Variants in DEPTOR observed in about 807,000 individuals in gnomAD.
The protein encoded by DEPTOR is DEP domain containing MTOR interacting protein, also known as DEP domain-containing mTOR-interacting protein.
DEPTOR carries 41 observed loss-of-function variants against 41.6 expected under a neutral mutation model. The ratio of observed to expected loss-of-function variants is 0.98; its 90% CI spans 0.77 to 1.28. The LOEUF (loss-of-function observed/expected upper bound fraction) is 1.28, where lower values mean the gene tolerates loss of function less well. Among genes scored for constraint, DEPTOR ranks in the 50% most tolerant of loss-of-function variants. The pLI is 0.00. For synonymous variants in DEPTOR, 195 were observed against 192.3 expected (o/e 1.01, Z -0.12); for missense variants, 514 against 527.9 (o/e 0.97, Z 0.26).
At chr8:120,016,263 A>G (rs376511126) in intron 8 of DEPTOR, among the ~76,000 whole-genome samples, 11 of 151,318 alleles carry the variant, frequency 7.3e-5, no homozygotes, top group African/African-American at 2.7e-4. Flanking sequence ...TAATACCATC[A>G]CACTGGGGGT....
chr8:119,919,656 A>G (rs957801499), intron 1 of DEPTOR, among the ~76,000 whole-genome samples: 1 of 152,152 alleles, frequency 6.6e-6, no homozygotes, highest in East Asian at 1.9e-4. Flanking sequence ...GTTGCAGAAC[A>G]TCTGGAAAGG....
intron 1 of DEPTOR, among the ~76,000 whole-genome samples, chr8:119,921,286 A>G (rs1450545342): frequency 6.6e-6 from 1 of 152,212 alleles, no homozygotes; most frequent in Non-Finnish European, 1.5e-5. Flanking sequence ...TGAAAATAAC[A>G]TCATTTCTAT....
chr8:119,937,297 G>A lies in DEPTOR; in HGVS notation c.425+7359G>A, dbSNP rs1046792739. 2.2e-4 allele frequency among the ~76,000 whole-genome samples: 33 copies of A among 152,120 alleles called. 1 individual carries two copies. Among genetic ancestry groups the A allele is most frequent in the African/African-American group, 7.0e-4 (29 of 41,524 alleles). On this transcript the variant is annotated intron_variant, in intron 3 of 8. Coordinates refer to ENST00000286234, the MANE Select transcript of DEPTOR (RefSeq NM_022783.4). ...TGCCTGTAGTCCCAGCTACTTGGGA[G>A]GCTGAGGCAGGAGAATCGCTTGAAC...
At chr8:119,986,779 A>G (rs1167013745) in intron 4 of DEPTOR, among the ~76,000 whole-genome samples, 3 of 151,128 alleles carry the variant, frequency 2.0e-5, no homozygotes, top group Non-Finnish European at 4.4e-5. Context: ...CATTAAGTTG[A>G]TCTTCAATCT....
intron 4 of DEPTOR, among the ~76,000 whole-genome samples, chr8:119,970,033 T>A (rs1828613042): frequency 6.6e-6 from 1 of 152,336 alleles, no homozygotes; most frequent in African/African-American, 2.4e-5. Flanking sequence ...GCTTCATCTA[T>A]GAATGGTGAC....
intron 4 of DEPTOR, among the ~76,000 whole-genome samples, chr8:119,988,588 T>C (rs980263003): frequency 3.9e-5 from 6 of 152,188 alleles, no homozygotes; most frequent in African/African-American, 1.4e-4. Context: ...GTTCAAGTGA[T>C]TCTCCTGCCT....
At chr8:120,018,588 A>T (rs1446640927) in intron 8 of DEPTOR, among the ~76,000 whole-genome samples, 1 of 152,194 alleles carries the variant, frequency 6.6e-6, no homozygotes, top group Non-Finnish European at 1.5e-5. Context: ...AAAGAAAAAA[A>T]AAATGTAGTT....
rs529781331 is a variant in DEPTOR, at chr8:119,903,257, C to T, written c.123-25143C>T. Among the ~76,000 whole-genome samples, 9 of 152,266 alleles carry T rather than the reference C, an allele frequency of 5.9e-5. No homozygotes were observed. The South Asian group carries it at 1.9e-3, about 32-fold the overall frequency. On this transcript the variant is annotated intron_variant, in intron 1 of 8. Transcript: ENST00000286234. ...GGGATTATAGGTCCCTGCCACCATGCCCAGCTAATTTTGTATTTTTAGTAG... is the reference window on the plus strand; with the variant it reads ...GGGATTATAGGTCCCTGCCACCATGTCCAGCTAATTTTGTATTTTTAGTAG...
intron 4 of DEPTOR, among the ~76,000 whole-genome samples, chr8:119,968,535 C>G (rs1028414365): frequency 2.0e-5 from 3 of 152,132 alleles, no homozygotes; most frequent in Admixed American, 1.3e-4. Flanking sequence ...CTTCTGACCT[C>G]AAGTGATGCG....
chr8:120,044,914 T>A (rs888236352), intron 8 of DEPTOR, among the ~76,000 whole-genome samples: 10 of 152,206 alleles, frequency 6.6e-5, no homozygotes, highest in African/African-American at 2.2e-4. Flanking sequence ...ATTTATTAGG[T>A]TGGTGCAAAA....
At chr8:119,907,813 C>T (rs1418946429) in intron 1 of DEPTOR, among the ~76,000 whole-genome samples, 2 of 152,034 alleles carry the variant, frequency 1.3e-5, no homozygotes, top group Non-Finnish European at 2.9e-5. Context: ...AATAAGAATC[C>T]ATGAATCAAT....
At chr8:119,931,126 G>T (rs540839689) in intron 3 of DEPTOR, among the ~76,000 whole-genome samples, 6 of 152,090 alleles carry the variant, frequency 3.9e-5, no homozygotes, top group African/African-American at 1.4e-4. Context: ...TACGAGAATC[G>T]CTTGAAACCA....
intron 4 of DEPTOR, among the ~76,000 whole-genome samples, chr8:119,978,049 C>T (rs145260435): frequency 4.7e-4 from 71 of 152,262 alleles, no homozygotes; most frequent in African/African-American, 1.7e-3. Flanking sequence ...ATATAAACTG[C>T]TTCTCGAGGT....
At chr8:120,028,566 T>C (rs1812837739) in intron 8 of DEPTOR, among the ~76,000 whole-genome samples, 1 of 147,788 alleles carries the variant, frequency 6.8e-6, no homozygotes. Context: ...AATCAAGCAA[T>C]TCTCCTGCCT....
Position 120,045,340 on chromosome 8 carries a change from A to T in DEPTOR, c.1102-4236A>T, listed in dbSNP as rs558867469. Among the ~76,000 whole-genome samples, 7 of 152,134 alleles carry T rather than the reference A, an allele frequency of 4.6e-5. No homozygotes were observed. In the South Asian group the frequency reaches 1.5e-3, roughly 32 times the overall value. ...ACTTAGAAAACAAAAACAAGAAATG[A>T]CCTTTTTCTGTTTTTCTAATTTTTT... On this transcript the variant is annotated intron_variant, in intron 8 of 8. Transcript: ENST00000286234.
intron 1 of DEPTOR, among the ~76,000 whole-genome samples, chr8:119,923,893 C>CTTTCT (rs1827929953): frequency 1.9e-5 from 2 of 104,980 alleles, no homozygotes; most frequent in African/African-American, 3.0e-5. Context: ...TTTTTTCTTT[C>CTTTCT]TTTTTTTTTT....
intron 3 of DEPTOR, among the ~76,000 whole-genome samples, chr8:119,943,725 C>T (rs2129903682): frequency 6.6e-6 from 1 of 152,290 alleles, no homozygotes. Flanking sequence ...TAATGACCAC[C>T]CCACCCCGTT....
intron 1 of DEPTOR, among the ~76,000 whole-genome samples, chr8:119,894,487 C>G (rs576906976): frequency 6.6e-6 from 1 of 151,746 alleles, no homozygotes; most frequent in South Asian, 2.1e-4. Context: ...AGCTCCGCCT[C>G]CTGGGTTCAC....
chr8:119,950,191 A>T (rs184406613), intron 3 of DEPTOR, among the ~76,000 whole-genome samples: 3 of 152,270 alleles, frequency 2.0e-5, no homozygotes, highest in Middle Eastern at 3.4e-3. Flanking sequence ...CCATAGATAT[A>T]CCAAAGTAGT....
Sources: gnomAD v4.1 joint callset for allele counts (sites outside exome capture counted in the v4.1 genomes callset) on GRCh38, gnomAD v4.1.1 for gene constraint, MANE v1.5 for transcripts, NCBI Gene and HGNC (gene_info 2026-07-23, HGNC 2026-07-21) for gene names.